The following ZDHHC14 variants were observed in gnomAD, a reference collection of about 807,000 sequenced individuals.
The protein encoded by ZDHHC14 is zDHHC palmitoyltransferase 14, also known as palmitoyltransferase ZDHHC14.
In ZDHHC14, 16 loss-of-function variants were observed where a neutral mutation model predicts 47.7. The ratio of observed to expected loss-of-function variants is 0.34; its 90% CI spans 0.23 to 0.51. The LOEUF is 0.51. ZDHHC14 is among the 20% of genes least tolerant of loss of function. The probability of loss-of-function intolerance (pLI) is 0.97; values close to 1 mark genes in which losing one functional copy is unlikely to be tolerated. For missense variants in ZDHHC14, 515 were observed against 662.5 expected, an observed-to-expected ratio of 0.78 and a Z score of 2.44; for synonymous variants, 293 against 278.9, an observed-to-expected ratio of 1.05 and a Z score of -0.50.
chr6:157,456,035 G>C (rs1053633864), intron 1 of ZDHHC14, among the ~76,000 whole-genome samples: 10 of 152,096 alleles, frequency 6.6e-5, no homozygotes, highest in Non-Finnish European at 1.3e-4. Context: ...TTGCTTTTTC[G>C]GCGAGGATTT....
chr6:157,579,197 T>TG (rs1371130596), intron 2 of ZDHHC14, among the ~76,000 whole-genome samples: 1 of 122,480 alleles, frequency 8.2e-6, no homozygotes, highest in African/African-American at 3.6e-5. Flanking sequence ...TGTGTTTTTT[T>TG]TTTTTTTTTT....
intron 1 of ZDHHC14, among the ~76,000 whole-genome samples, chr6:157,468,520 A>G (rs952708482): frequency 1.3e-5 from 2 of 152,218 alleles, no homozygotes; most frequent in East Asian, 3.8e-4. Context: ...TGGCATTTAT[A>G]TGAGTACTAC....
At chr6:157,626,560 C>G (rs1785428053) in intron 3 of ZDHHC14, among the ~76,000 whole-genome samples, 2 of 152,034 alleles carry the variant, frequency 1.3e-5, no homozygotes, top group Admixed American at 6.5e-5. Context: ...AGAGGCAGGT[C>G]CAGAGAGTTC....
At chr6:157,424,140 T>C (rs1310026121) in intron 1 of ZDHHC14, among the ~76,000 whole-genome samples, 1 of 152,204 alleles carries the variant, frequency 6.6e-6, no homozygotes, top group Non-Finnish European at 1.5e-5. Context: ...ATGATTTCTG[T>C]AGATGTTTGA....
intron 1 of ZDHHC14, among the ~76,000 whole-genome samples, chr6:157,518,853 G>T (rs1035232931): frequency 5.3e-5 from 8 of 152,230 alleles, no homozygotes; most frequent in Admixed American, 5.2e-4. Context: ...CTTGTGAGGG[G>T]TGTAGTCTTC....
At chr6:157,471,328 G>T (rs1779349850) in intron 1 of ZDHHC14, among the ~76,000 whole-genome samples, 1 of 152,220 alleles carries the variant, frequency 6.6e-6, no homozygotes, top group Non-Finnish European at 1.5e-5. Flanking sequence ...GAGGGACTCA[G>T]CTTTGACTAC....
chr6:157,454,727 C>T (rs1778875436), intron 1 of ZDHHC14, among the ~76,000 whole-genome samples: 1 of 152,102 alleles, frequency 6.6e-6, no homozygotes, highest in Admixed American at 6.5e-5. Context: ...TATAAATGCT[C>T]TAATTTTTCT....
Position 157,582,412 on chromosome 6 carries a change from T to TA in ZDHHC14, c.407-10576_407-10575insA, listed in dbSNP as rs1783549887. Among the ~76,000 whole-genome samples, 1 of 152,234 alleles carries TA rather than the reference T, an allele frequency of 6.6e-6. No homozygotes were observed. The highest frequency in any genetic ancestry group is 1.5e-5 in the Non-Finnish European group (1 of 68,044). ...CATATTTAGTGCTCTTTTCAGGACC[T>TA]CTTTTAAGGTAGGTCTGGTGGCAAG... On this transcript the variant is annotated intron_variant, in intron 2 of 8. Transcript: ENST00000359775. This position sits in a 1 kb window ranked among gnomAD's most constrained non-coding sequence, Gnocchi z 4.3.
At chr6:157,630,911 C>T (rs533648905) in intron 4 of ZDHHC14, 1 of 151,082 alleles carries the variant, frequency 6.6e-6, no homozygotes, top group East Asian at 2.0e-4. Context: ...TTTACACACT[C>T]ATACCCTTAC....
At chr6:157,605,072 G>A (rs762881710) in intron 3 of ZDHHC14, among the ~76,000 whole-genome samples, 4 of 152,358 alleles carry the variant, frequency 2.6e-5, no homozygotes, top group Non-Finnish European at 5.9e-5. Context: ...CCCACTATTT[G>A]TAGGAGTTGG....
At chr6:157,467,819 G>C (rs1357648124) in intron 1 of ZDHHC14, among the ~76,000 whole-genome samples, 1 of 152,006 alleles carries the variant, frequency 6.6e-6, no homozygotes, top group East Asian at 1.9e-4. Context: ...CAAAGTGCTG[G>C]GATTACAGGT....
At position 157,592,108 on chromosome 6, in the gene ZDHHC14, C is replaced by T. The variant is rs17165443; in HGVS notation, c.407-880C>T. Among the ~76,000 whole-genome samples the T allele has an allele frequency of 3.3e-5, 5 of 151,902 alleles. No individual in the cohort carries two copies. In the South Asian group the frequency reaches 8.3e-4, roughly 25 times the overall value. ...TTCCCAGAGAGCAGGGGTTCTCAAA[C>T]CTTGCCCACGTGAGAACAACCCGGG... On this transcript the variant is annotated intron_variant, in intron 2 of 8. Coordinates refer to ENST00000359775, the MANE Select transcript of ZDHHC14 (RefSeq NM_024630.3).
intron 1 of ZDHHC14, among the ~76,000 whole-genome samples, chr6:157,521,157 A>G (rs747899512): frequency 6.6e-6 from 1 of 152,168 alleles, no homozygotes; most frequent in East Asian, 1.9e-4. Context: ...TCATTTACAG[A>G]TGGAGAAGCG....
intron 2 of ZDHHC14, among the ~76,000 whole-genome samples, chr6:157,547,907 A>C (rs1009075820): frequency 6.6e-6 from 1 of 150,746 alleles, no homozygotes; most frequent in African/African-American, 2.4e-5. Flanking sequence ...AGGCAGTATT[A>C]ATTTCATTTT....
chr6:157,450,175 G>T (rs1778770632), intron 1 of ZDHHC14, among the ~76,000 whole-genome samples: 1 of 151,774 alleles, frequency 6.6e-6, no homozygotes, highest in Non-Finnish European at 1.5e-5. Flanking sequence ...GCACATTTAT[G>T]GTATTTCTCA....
At chr6:157,418,821 G>A (rs1285680758) in intron 1 of ZDHHC14, among the ~76,000 whole-genome samples, 1 of 152,172 alleles carries the variant, frequency 6.6e-6, no homozygotes, top group Non-Finnish European at 1.5e-5. Context: ...CCAGGTGTAT[G>A]TTTCCTTGTT....
At position 157,381,201 on chromosome 6, in the gene ZDHHC14, A is replaced by T. The variant is rs866642108; in HGVS notation, c.-821A>T. Reference sequence around the variant, plus strand: ...GCGCGCGCCGGGCTGAGCCTTGCAAACAAGTGTCTGTGCTGTGTCCCCGCG... The same window carrying T: ...GCGCGCGCCGGGCTGAGCCTTGCAATCAAGTGTCTGTGCTGTGTCCCCGCG... On this transcript the variant is annotated 5_prime_UTR_variant, in exon 1 of 9. Coordinates refer to ENST00000359775, the MANE Select transcript of ZDHHC14 (RefSeq NM_024630.3). 6.7e-6 allele frequency: 1 copy of T among 149,592 alleles called. No individual in the cohort carries two copies. The highest frequency in any genetic ancestry group is 1.5e-5 in the Non-Finnish European group (1 of 67,436). 9.3% of individuals were successfully genotyped at this position (149,592 alleles called of 1,614,324 possible).
chr6:157,649,603 C>T (rs767216483), intron 7 of ZDHHC14, among the ~76,000 whole-genome samples: 1 of 152,228 alleles, frequency 6.6e-6, no homozygotes, highest in African/African-American at 2.4e-5. Context: ...GGGCCCAGAC[C>T]CCTGTGCTTG....
In ZDHHC14 at chr6:157,522,695, GT is replaced by G. The variant is rs997983688; in HGVS notation, c.246-19882del. ...TTCAAAAGCCTACTCACTGTAAGAA[GT>G]TTTTTTTCTTTTCTTCCCTTTCATT... On this transcript the variant is annotated intron_variant, in intron 1 of 8. Coordinates refer to ENST00000359775, the MANE Select transcript of ZDHHC14 (RefSeq NM_024630.3). Among the ~76,000 whole-genome samples the G allele has an allele frequency of 5.8e-3, 837 of 143,812 alleles. 17 individuals are homozygous for G. Among genetic ancestry groups the G allele is most frequent in the African/African-American group, 0.019 (738 of 37,970 alleles). The allele number at this position is 143,812 out of a possible 152,430, so 94.3% of individuals were successfully genotyped here. A position where few individuals can be genotyped will look rare whatever the true frequency, so the allele number is the denominator to read the frequency against.
Sources: allele counts gnomAD v4.1 joint callset (sites outside exome capture counted in the v4.1 genomes callset), GRCh38; gene constraint gnomAD v4.1.1; non-coding constraint Gnocchi (gnomAD v3.1); transcripts MANE v1.5; gene names NCBI Gene and HGNC (gene_info 2026-07-23, HGNC 2026-07-21).